The following PTGFRN variants were observed in gnomAD, a reference collection of about 807,000 sequenced individuals.
The protein encoded by PTGFRN is prostaglandin F2 receptor negative regulator.
Under a neutral mutation model 83.2 loss-of-function variants are expected in PTGFRN, and 35 were observed. The ratio of observed to expected loss-of-function variants is 0.42; its 90% CI spans 0.32 to 0.56. The LOEUF (loss-of-function observed/expected upper bound fraction) is 0.56. Among genes scored for constraint, PTGFRN ranks in the 20% least tolerant of loss-of-function variants. The probability of loss-of-function intolerance (pLI) is 0.11; values close to 1 mark genes in which losing one functional copy is unlikely to be tolerated. For synonymous variants in PTGFRN, 519 were observed against 498.6 expected, an observed-to-expected ratio of 1.04 and a Z score of -0.55; for missense variants, 1,051 against 1,179.5, an observed-to-expected ratio of 0.89 and a Z score of 1.60.
chr1:116,963,483 T>G (rs1471924466), intron 5 of PTGFRN, among the ~76,000 whole-genome samples: 1 of 152,230 alleles, frequency 6.6e-6, no homozygotes, highest in African/African-American at 2.4e-5. Context: ...CTCTCTTATG[T>G]CTTTGGTAAT....
At chr1:116,916,819 C>T (rs181664334) in intron 1 of PTGFRN, among the ~76,000 whole-genome samples, 4 of 152,230 alleles carry the variant, frequency 2.6e-5, no homozygotes, top group East Asian at 1.9e-4. Flanking sequence ...TATTACACGC[C>T]GGGCATTGTT....
At chr1:116,930,531 G>A (rs1019897663) in intron 1 of PTGFRN, among the ~76,000 whole-genome samples, 8 of 152,136 alleles carry the variant, frequency 5.3e-5, no homozygotes, top group Non-Finnish European at 1.2e-4. Flanking sequence ...CTGTCCGGTG[G>A]ACATTTCTAC....
intron 1 of PTGFRN, among the ~76,000 whole-genome samples, chr1:116,935,331 G>A (rs961982829): frequency 6.6e-6 from 1 of 152,086 alleles, no homozygotes; most frequent in African/African-American, 2.4e-5. Flanking sequence ...CTTAAAAATA[G>A]CAAATATCTG....
intron 7 of PTGFRN, among the ~76,000 whole-genome samples, chr1:116,982,104 G>GA (rs1366402939): frequency 6.6e-6 from 1 of 152,184 alleles, no homozygotes; most frequent in African/African-American, 2.4e-5. Context: ...AAAACTAGAA[G>GA]AGACTACCGG....
intron 1 of PTGFRN, among the ~76,000 whole-genome samples, chr1:116,930,567 T>C (rs2101056901): frequency 6.6e-6 from 1 of 152,260 alleles, no homozygotes; most frequent in South Asian, 2.1e-4. Flanking sequence ...TATAAGAAAA[T>C]AGATTTCACC....
chr1:116,912,716 A>C (rs568819874), intron 1 of PTGFRN, among the ~76,000 whole-genome samples: 1 of 152,146 alleles, frequency 6.6e-6, no homozygotes, highest in Admixed American at 6.5e-5. Context: ...TGTCCTTATG[A>C]GTTTCCTCCA....
intron 3 of PTGFRN, among the ~76,000 whole-genome samples, chr1:116,947,658 C>T (rs570927472): frequency 6.6e-6 from 1 of 152,220 alleles, no homozygotes; most frequent in African/African-American, 2.4e-5. Context: ...CCGACTCCCT[C>T]CTGAGTCGTC....
intron 1 of PTGFRN, among the ~76,000 whole-genome samples, chr1:116,917,335 G>A (rs1365545677): frequency 6.6e-6 from 1 of 152,138 alleles, no homozygotes; most frequent in African/African-American, 2.4e-5. Context: ...CTCTAAGCAG[G>A]CCCACAGGCC....
At chr1:116,938,415 C>A (rs1473872893) in intron 1 of PTGFRN, among the ~76,000 whole-genome samples, 1 of 152,174 alleles carries the variant, frequency 6.6e-6, no homozygotes, top group East Asian at 1.9e-4. Context: ...CAAGGAGGGG[C>A]AAGTGACATC....
chr1:116,939,954 G>A (rs751635666), intron 1 of PTGFRN, among the ~76,000 whole-genome samples: 3 of 152,162 alleles, frequency 2.0e-5, no homozygotes, highest in Non-Finnish European at 4.4e-5. Flanking sequence ...TTCCCAACAA[G>A]TTCCTCATCT....
chr1:116,910,290 T>G, intron 1 of PTGFRN, 38 bp downstream of exon 1: 1 of 1,379,252 alleles, frequency 7.3e-7, no homozygotes, highest in South Asian at 1.6e-5. Flanking sequence ...ACACGGGGAC[T>G]GGCGAGGCCC....
At position 116,989,611 on chromosome 1, in the gene PTGFRN, A is replaced by G. The variant is rs1651648832; in HGVS notation, c.*2644A>G. 6.6e-6 allele frequency: 1 copy of G among 152,646 alleles called. No homozygotes were observed. The highest frequency in any genetic ancestry group is 1.9e-4 in the East Asian group (1 of 5,196). The allele number at this position is 152,646 out of a possible 1,614,324, so 9.5% of individuals were successfully genotyped here. ...GTTTGGGATTTTTTTTCCTAATCAT[A>G]AAAATAGCCCCAGAAAGAGCCTAAG... On this transcript the variant is annotated 3_prime_UTR_variant, in exon 9 of 9. Transcript: ENST00000393203.
chr1:116,971,017 A>C (rs1004638711), intron 6 of PTGFRN, among the ~76,000 whole-genome samples: 1 of 152,234 alleles, frequency 6.6e-6, no homozygotes, highest in African/African-American at 2.4e-5. Flanking sequence ...TTCGTAATAT[A>C]TAGAAAATTT....
At position 116,941,110 on chromosome 1, in the gene PTGFRN, C is replaced by A. The variant is rs1650047780; in HGVS notation, c.50-605C>A. On this transcript the variant is annotated intron_variant, in intron 1 of 8. Transcript: ENST00000393203. The surrounding 1 kb of genome is among the most constrained non-coding windows in gnomAD (Gnocchi z 5.0). ...TCCTCATTCTGAATTTAGATCAGAA[C>A]AAAGAGTAGAGAAGGAAATGAGCCA... Among the ~76,000 whole-genome samples, 1 of 152,152 alleles carries A rather than the reference C, an allele frequency of 6.6e-6. No individual in the cohort carries two copies. The highest frequency in any genetic ancestry group is 2.4e-5 in the African/African-American group (1 of 41,436).
chr1:116,967,195 A>T lies in PTGFRN; in HGVS notation c.1924A>T (p.Met642Leu). 1 of 1,614,198 alleles carries T rather than the reference A, an allele frequency of 6.2e-7. No homozygotes were observed. The highest frequency in any genetic ancestry group is 8.5e-7 in the Non-Finnish European group (1 of 1,180,044). ...GCAGGAGGATGAGTTCCGCTATCGA[A>T]TGTACCAGACTCAGGTCTCAGACGC... ...KVQEDEFRYRMYQTQVSDAGL... is the reference protein window; with the variant it reads ...KVQEDEFRYRLYQTQVSDAGL... Residue 642 changes from methionine to leucine, a missense_variant, in exon 6 of 9, where the codon ATG (methionine) becomes TTG (leucine). Physicochemically the swap from Met to Leu is conservative, Grantham distance 15. This residue lies in a region of PTGFRN where 719 missense variants were observed against 836.6 expected (regional missense o/e 0.86). Coordinates refer to ENST00000393203, the MANE Select transcript of PTGFRN (RefSeq NM_020440.4).
chr1:116,972,148 G>A (rs531388670), intron 6 of PTGFRN, among the ~76,000 whole-genome samples: 18 of 152,346 alleles, frequency 1.2e-4, no homozygotes, highest in African/African-American at 4.1e-4. Context: ...TCCAGGCAGA[G>A]CAAGTCCAGG....
intron 1 of PTGFRN, among the ~76,000 whole-genome samples, chr1:116,932,657 T>C (rs988405020): frequency 7.2e-5 from 11 of 152,204 alleles, no homozygotes; most frequent in Admixed American, 2.6e-4. Context: ...ATTGAAAATA[T>C]ATAATATTTC....
chr1:116,919,005 A>G (rs1162463688), intron 1 of PTGFRN, among the ~76,000 whole-genome samples: 1 of 152,206 alleles, frequency 6.6e-6, no homozygotes, highest in Non-Finnish European at 1.5e-5. Flanking sequence ...CTGAGGTGCA[A>G]GGGAATGGGT....
chr1:116,970,715 C>G (rs1650971799), intron 6 of PTGFRN, among the ~76,000 whole-genome samples: 1 of 152,228 alleles, frequency 6.6e-6, no homozygotes, highest in African/African-American at 2.4e-5. Context: ...TCAAATTCAG[C>G]ACCCAGAACA....
Sources: allele counts gnomAD v4.1 joint callset (sites outside exome capture counted in the v4.1 genomes callset), GRCh38; gene constraint gnomAD v4.1.1; regional missense constraint gnomAD v4.1.1; non-coding constraint Gnocchi (gnomAD v3.1); transcripts MANE v1.5; gene names NCBI Gene and HGNC (gene_info 2026-07-23, HGNC 2026-07-21).